The following CUL9 variants were observed in gnomAD, a reference collection of about 807,000 sequenced individuals.
CUL9 encodes the protein cullin 9.
A neutral mutation model predicts 272.6 loss-of-function variants in CUL9; 79 were observed. The ratio of observed to expected loss-of-function variants is 0.29; its 90% CI spans 0.24 to 0.35. The LOEUF is 0.35. Among genes scored for constraint, CUL9 ranks in the 10% least tolerant of loss-of-function variants. CUL9 has a pLI of 1.00. For synonymous variants in CUL9, 1,186 were observed against 1,286.5 expected (o/e 0.92, Z 1.67); for missense variants, 2,532 against 3,255.6 (o/e 0.78, Z 5.41).
Position 43,224,411 on chromosome 6 carries a change from A to T in CUL9, c.7520A>T (p.Asp2507Val). 6.2e-7 allele frequency: 1 copy of T among 1,614,100 alleles called. No individual in the cohort carries two copies. Among genetic ancestry groups the T allele is most frequent in the Non-Finnish European group, 8.5e-7 (1 of 1,180,030 alleles). Residue 2507 changes from aspartate (D) to valine (V), a missense_variant, in exon 41 of 41, where the codon GAT becomes GTT. Asp to Val is a radical substitution (Grantham distance 152). Coordinates refer to ENST00000252050, the MANE Select transcript of CUL9 (RefSeq NM_015089.4). The surrounding 1 kb of genome is among the most constrained non-coding windows in gnomAD (Gnocchi z 4.2). ...NLDQETFFFG[D>V]EEEDEDEAYD Reference sequence around the variant, plus strand: ...GACCAAGAGACTTTCTTCTTTGGTGATGAGGAAGAGGATGAAGATGAGGCC... The same window carrying T: ...GACCAAGAGACTTTCTTCTTTGGTGTTGAGGAAGAGGATGAAGATGAGGCC...
At chr6:43,185,720 C>A in intron 3 of CUL9, 110 bp downstream of exon 3, 1 of 1,288,616 alleles carries the variant, frequency 7.8e-7, no homozygotes, top group Non-Finnish European at 1.1e-6. Flanking sequence ...AACTTGTTAA[C>A]ATGAAGGTTC....
At position 43,187,456 on chromosome 6, in the gene CUL9, A is replaced by G. The variant is rs749016351; in HGVS notation, c.1581+17A>G. 2 of 1,612,436 alleles carry G rather than the reference A, an allele frequency of 1.2e-6. No homozygotes were observed. Among genetic ancestry groups the G allele is most frequent in the Non-Finnish European group, 8.5e-7 (1 of 1,178,932 alleles). On this transcript the variant is annotated intron_variant, in intron 6 of 40. Transcript: ENST00000252050. ...CTGGATGAGGTATTATAGGTCTGAG[A>G]TACCTGGGGGTTTTCTAGTAGGGTT...
In CUL9 at chr6:43,223,580, A is replaced by G; in HGVS notation, c.7284+183A>G. 1.4e-6 allele frequency: 1 copy of G among 718,044 alleles called. No homozygotes were observed. Among genetic ancestry groups the G allele is most frequent in the Non-Finnish European group, 2.2e-6 (1 of 446,244 alleles). The allele number at this position is 718,044 out of a possible 1,614,324, so 44.5% of individuals were successfully genotyped here. A position where few individuals can be genotyped will look rare whatever the true frequency, so the allele number is the denominator to read the frequency against. ...AACCTGCCTGATGCTGCTGGACCCTATCACTTCACCTCCTGGGGATTCCTA... is the reference window on the plus strand; with the variant it reads ...AACCTGCCTGATGCTGCTGGACCCTGTCACTTCACCTCCTGGGGATTCCTA... On this transcript the variant is annotated intron_variant, in intron 39 of 40. Transcript: ENST00000252050. The surrounding 1 kb of genome is among the most constrained non-coding windows in gnomAD (Gnocchi z 4.1).
At chr6:43,201,615 G>T (rs1774564827) in intron 16 of CUL9, among the ~76,000 whole-genome samples, 1 of 152,176 alleles carries the variant, frequency 6.6e-6, no homozygotes, top group Non-Finnish European at 1.5e-5. Flanking sequence ...GAGTAGCTGG[G>T]ACTACAGGCG....
intron 30 of CUL9, 87 bp downstream of exon 30, chr6:43,215,413 C>T: frequency 2.0e-6 from 3 of 1,482,562 alleles, no homozygotes; most frequent in South Asian, 1.4e-5. Context: ...CACTTCCCTT[C>T]TTTCTTTGTC....
intron 11 of CUL9, among the ~76,000 whole-genome samples, chr6:43,197,347 G>C (rs1774091835): frequency 6.6e-6 from 1 of 151,430 alleles, no homozygotes; most frequent in Non-Finnish European, 1.5e-5. Context: ...CACCTGGCTG[G>C]AAATTGCCTT....
rs1032413947 is a variant in CUL9 at position 43,206,989 on chromosome 6, C to T, written c.5212+479C>T. Among the ~76,000 whole-genome samples, 6 of 152,230 alleles carry T rather than the reference C, an allele frequency of 3.9e-5. No homozygotes were observed. The highest frequency in any genetic ancestry group is 1.9e-4 in the East Asian group (1 of 5,186). On this transcript the variant is annotated intron_variant, in intron 26 of 40. Coordinates refer to ENST00000252050, the MANE Select transcript of CUL9 (RefSeq NM_015089.4). The surrounding 1 kb of genome is among the most constrained non-coding windows in gnomAD (Gnocchi z 4.8). ...CCTCCCAAGTAGCTGGGACTACAGG[C>T]GTATGCCACCACACCCGGCTAATTG...
At chr6:43,201,760 T>C (rs1473735024) in intron 16 of CUL9, among the ~76,000 whole-genome samples, 1 of 152,180 alleles carries the variant, frequency 6.6e-6, no homozygotes, top group Non-Finnish European at 1.5e-5. Flanking sequence ...ATTACAGGCG[T>C]GAACCACTGC....
chr6:43,189,230 G>A (rs1306100964), intron 8 of CUL9, among the ~76,000 whole-genome samples: 6 of 147,656 alleles, frequency 4.1e-5, no homozygotes, highest in Non-Finnish European at 7.4e-5. Flanking sequence ...TTGCTATGTC[G>A]TCATGCTGGA....
chr6:43,196,547 C>A, intron 10 of CUL9, 98 bp from the exon 11 acceptor site: 2 of 1,116,246 alleles, frequency 1.8e-6, no homozygotes, highest in Non-Finnish European at 2.7e-6. Flanking sequence ...CCACTGGAGC[C>A]CTTTGCTCCC....
chr6:43,196,729 C>T lies in CUL9; in HGVS notation c.2670C>T (p.Thr890=), dbSNP rs756111358. 46 of 1,614,072 alleles carry T rather than the reference C, an allele frequency of 2.8e-5. No individual in the cohort carries two copies. The highest frequency in any genetic ancestry group is 4.0e-5 in the African/African-American group (3 of 74,914). The change falls in exon 11 of 41, where the codon ACC becomes ACT. Residue 890 remains threonine, a synonymous_variant. Coordinates refer to ENST00000252050, the MANE Select transcript of CUL9 (RefSeq NM_015089.4). ...NHHTLGDQII[T]QELRDTLFRH... ...ACACTCTGGGAGACCAGATTATAAC[C>T]CAAGAGCTGAGAGACACGTTGTTTA... is the stretch of plus-strand genomic sequence containing the variant.
chr6:43,204,475 T>C lies in CUL9; in HGVS notation c.4275T>C (p.Leu1425=), dbSNP rs1183542982. The change falls in exon 21 of 41, where the codon CTT becomes CTC. Residue 1425 remains leucine, a synonymous_variant. Coordinates refer to ENST00000252050, the MANE Select transcript of CUL9 (RefSeq NM_015089.4). ...CCTTTGCTTCTCGAGTTCGTCGCCT[T>C]TGCCACTTGCTGGTGCATGTGGAAC... ...AASFASRVRR[L]CHLLVHVEPP... is the part of the protein sequence containing the mutation. 2 of 1,614,040 alleles carry C rather than the reference T, an allele frequency of 1.2e-6. No homozygotes were observed. The highest frequency in any genetic ancestry group is 1.7e-6 in the Non-Finnish European group (2 of 1,180,030).
rs1231327707 is a variant in CUL9 at position 43,196,708 on chromosome 6, TC to T, written c.2650del (p.Leu884TrpfsTer6). On this transcript the variant is annotated frameshift_variant, in exon 11 of 41. Transcript: ENST00000252050. LOFTEE classifies it high-confidence loss of function. ...ACCTACTTTTGTGCAACCACCACACTCTGGGAGACCAGATTATAACCCAAGA... is the reference window on the plus strand; with the variant it reads ...ACCTACTTTTGTGCAACCACCACACTTGGGAGACCAGATTATAACCCAAGA... ...LNLLLCNHHT[L>X]GDQIITQELR... 12 of 1,614,068 alleles carry T rather than the reference TC, an allele frequency of 7.4e-6. No individual in the cohort carries two copies. The highest frequency in any genetic ancestry group is 9.3e-6 in the Non-Finnish European group (11 of 1,180,028).
In CUL9 at chr6:43,206,113, C is replaced by T. The variant is rs778826901; in HGVS notation, c.4900C>T (p.Leu1634=). ...TCCCAACCGCCTCCCACAGCTGATG[C>T]TGCAGAGCCTGAGCACCTCTGAGGA... The part of the protein sequence containing the change: ...CFPNRLPQLM[L]QSLSTSEELQ... Residue 1634 remains leucine (L), a synonymous_variant, in exon 25 of 41, where the codon CTG becomes TTG. Coordinates refer to ENST00000252050, the MANE Select transcript of CUL9 (RefSeq NM_015089.4). This position sits in a 1 kb window ranked among gnomAD's most constrained non-coding sequence, Gnocchi z 4.8. The T allele has an allele frequency of 6.2e-7, 1 of 1,614,214 alleles. No homozygotes were observed. Among genetic ancestry groups the T allele is most frequent in the African/African-American group, 1.3e-5 (1 of 75,058 alleles).
chr6:43,204,054 T>C (rs1226217761), intron 20 of CUL9, 67 bp downstream of exon 20: 21 of 1,520,380 alleles, frequency 1.4e-5, no homozygotes, highest in Non-Finnish European at 1.6e-5. Flanking sequence ...TCACCTGAGT[T>C]AATGCTCTTG....
chr6:43,187,021 G>A lies in CUL9; in HGVS notation c.1313G>A (p.Gly438Asp), dbSNP rs1473974274. 7.4e-6 allele frequency: 12 copies of A among 1,613,984 alleles called. No individual in the cohort carries two copies. The African/African-American group carries it at 8.0e-5, about 11-fold the overall frequency. The change falls in exon 5 of 41, where the codon GGC (glycine) becomes GAC (aspartate). Residue 438 changes from glycine to aspartate, a missense_variant. Transcript: ENST00000252050. ...WVHWHMLEIL[G>D]PEEATEDKAS... ...CACTGGCACATGCTGGAGATCCTGG[G>A]CCCTGAGGAAGCCACTGAGGATAAG...
rs1170990583 is a variant in CUL9 at position 43,213,962 on chromosome 6, G to A, written c.5688+50G>A. On this transcript the variant is annotated intron_variant, in intron 29 of 40. Transcript: ENST00000252050. The surrounding 1 kb of genome is among the most constrained non-coding windows in gnomAD (Gnocchi z 5.7). ...TTGGCGGAGGGAGGGAGTCATGCTT[G>A]GGATTGGGGATGAACACAGTGAACT... 6.4e-7 allele frequency: 1 copy of A among 1,574,502 alleles called. No homozygotes were observed. The highest frequency in any genetic ancestry group is 8.7e-7 in the Non-Finnish European group (1 of 1,145,152).
In CUL9 at chr6:43,184,805, A is replaced by T; in HGVS notation, c.495A>T (p.Thr165=). The T allele has an allele frequency of 2.5e-6, 4 of 1,613,832 alleles. No individual in the cohort carries two copies. The highest frequency in any genetic ancestry group is 3.4e-6 in the Non-Finnish European group (4 of 1,180,026). ...CCCTCACTGGTGTCTTCAGGGAGAC[A>T]GGAGCCCTGGACCTGCTCATGCACA... ...IGPLTGVFRE[T]GALDLLMHML... The change falls in exon 2 of 41, where the codon ACA becomes ACT. Residue 165 remains threonine, a synonymous_variant. Coordinates refer to ENST00000252050, the MANE Select transcript of CUL9 (RefSeq NM_015089.4). This position sits in a 1 kb window ranked among gnomAD's most constrained non-coding sequence, Gnocchi z 4.8.
At position 43,196,781 on chromosome 6, in the gene CUL9, G is replaced by A; in HGVS notation, c.2722G>A (p.Glu908Lys). ...FRHSGIAPRT[E>K]PMPTTRTILM... ...GCACTCAGGGATAGCACCAAGAACA[G>A]AACCTATGCCTACCACACGCACCAT... is the stretch of plus-strand genomic sequence containing the variant. The change falls in exon 11 of 41, where the codon GAA becomes AAA. Residue 908 changes from glutamate (E) to lysine (K), a missense_variant. By Grantham distance (56) the Glu-to-Lys change is moderately conservative. Around this residue, in one of 3 missense-constraint regions of CUL9, gnomAD observed 2,218 missense variants for 2,788.6 expected, o/e 0.80. Transcript: ENST00000252050. 4.3e-6 allele frequency: 7 copies of A among 1,614,212 alleles called. No individual in the cohort carries two copies. The highest frequency in any genetic ancestry group is 5.9e-6 in the Non-Finnish European group (7 of 1,180,042).
Sources: gnomAD v4.1 joint callset for allele counts (sites outside exome capture counted in the v4.1 genomes callset) on GRCh38, gnomAD v4.1.1 for gene constraint, gnomAD v4.1.1 regional missense constraint, Gnocchi (gnomAD v3.1) non-coding constraint, MANE v1.5 for transcripts, NCBI Gene and HGNC (gene_info 2026-07-23, HGNC 2026-07-21) for gene names.